Variants in CNTN4 observed in about 807,000 individuals in gnomAD.
The protein encoded by CNTN4 is contactin 4, also known as contactin-4.
A neutral mutation model predicts 122.5 loss-of-function variants in CNTN4; 77 were observed. That is an observed-to-expected ratio of 0.63 (90% confidence interval 0.52 to 0.76). The LOEUF (loss-of-function observed/expected upper bound fraction) is 0.76, where lower values mean the gene tolerates loss of function less well. CNTN4 is among the 30% of genes least tolerant of loss of function. CNTN4 has a pLI of 0.00. For missense variants in CNTN4, 1,256 were observed against 1,259.1 expected (o/e 1.00, Z 0.04); for synonymous variants, 512 against 447.0 (o/e 1.15, Z -1.83).
intron 10 of CNTN4, among the ~76,000 whole-genome samples, chr3:2,898,006 C>G (rs148192929): frequency 2.0e-5 from 3 of 152,186 alleles, no homozygotes; most frequent in Non-Finnish European, 2.9e-5. Context: ...GGACTTTGAA[C>G]TAGGTAACCC....
At chr3:2,663,256 T>A (rs1272643823) in intron 4 of CNTN4, among the ~76,000 whole-genome samples, 1 of 152,124 alleles carries the variant, frequency 6.6e-6, no homozygotes, top group Admixed American at 6.6e-5. Flanking sequence ...AGTTAAGAGA[T>A]TAATGGTATA....
In CNTN4 at chr3:2,757,331, A is replaced by C. The variant is rs75224504; in HGVS notation, c.358+11634A>C. On this transcript the variant is annotated intron_variant, in intron 6 of 24. Coordinates refer to ENST00000418658, the MANE Select transcript of CNTN4 (RefSeq NM_175607.3). Reference sequence around the variant, plus strand: ...TAGGCAGAATTGGCCCTTTCTCCATAGGGCAATGATTTGAAGTGATGCGGA... The same window carrying C: ...TAGGCAGAATTGGCCCTTTCTCCATCGGGCAATGATTTGAAGTGATGCGGA... 5.3e-4 allele frequency among the ~76,000 whole-genome samples: 80 copies of C among 152,202 alleles called. No individual in the cohort carries two copies. In the East Asian group the frequency reaches 0.011, roughly 21 times the overall value.
chr3:2,592,932 A>G (rs779464488), intron 4 of CNTN4, among the ~76,000 whole-genome samples: 11 of 152,180 alleles, frequency 7.2e-5, no homozygotes, highest in Non-Finnish European at 1.3e-4. Context: ...TTTGTATTAT[A>G]TTGTACTGAG....
chr3:2,804,059 A>ATG (rs1553643755), intron 6 of CNTN4, among the ~76,000 whole-genome samples: 60 of 74,850 alleles, frequency 8.0e-4, no homozygotes, highest in African/African-American at 2.5e-3. Flanking sequence ...ATATATATAT[A>ATG]TGTCTGCACA....
chr3:2,868,716 T>G (rs779124374), intron 8 of CNTN4, among the ~76,000 whole-genome samples: 1 of 152,194 alleles, frequency 6.6e-6, no homozygotes, highest in Non-Finnish European at 1.5e-5. Flanking sequence ...TGAGTGCTGG[T>G]GAACAGGAGG....
rs1456330100 is a variant in CNTN4, at chr3:2,709,947, G to A, written c.56-26268G>A. 6.6e-6 allele frequency among the ~76,000 whole-genome samples: 1 copy of A among 152,022 alleles called. No individual in the cohort carries two copies. The highest frequency in any genetic ancestry group is 2.4e-5 in the African/African-American group (1 of 41,398). ...AATAAGAATAAACTCCAAAGAGCAT[G>A]TTTCCACACTTAATGCTTATTGCTG... is the stretch of plus-strand genomic sequence containing the variant. On this transcript the variant is annotated intron_variant, in intron 4 of 24. Coordinates refer to ENST00000418658, the MANE Select transcript of CNTN4 (RefSeq NM_175607.3). This position sits in a 1 kb window ranked among gnomAD's most constrained non-coding sequence, Gnocchi z 5.0.
rs138879450 is a variant in CNTN4 at position 2,592,584 on chromosome 3, A to G, written c.55+21026A>G. ...GTTTTAAAAACGGGAGTTTCTCTGC[A>G]CAAACTCTCTCTTTTTGCCTGCCAA... On this transcript the variant is annotated intron_variant, in intron 4 of 24. Transcript: ENST00000418658. 3.8e-3 allele frequency among the ~76,000 whole-genome samples: 575 copies of G among 152,290 alleles called. 6 individuals are homozygous for G. Among genetic ancestry groups the G allele is most frequent in the African/African-American group, 0.013 (545 of 41,576 alleles).
chr3:2,307,921 T>C (rs542157322), intron 2 of CNTN4, among the ~76,000 whole-genome samples: 24 of 152,296 alleles, frequency 1.6e-4, no homozygotes, highest in Middle Eastern at 6.8e-3. Context: ...TTGGGTATCA[T>C]GGTAATAATG....
chr3:2,183,680 C>T (rs2037121402), intron 2 of CNTN4, among the ~76,000 whole-genome samples: 2 of 152,002 alleles, frequency 1.3e-5, no homozygotes, highest in Admixed American at 1.3e-4. Flanking sequence ...AATTTTGTGG[C>T]CACTGGGCAA....
intron 14 of CNTN4, among the ~76,000 whole-genome samples, chr3:3,003,699 AAAAAAAAAAAAAAAAC>A (rs1427708057): frequency 9.7e-5 from 14 of 144,802 alleles, no homozygotes; most frequent in African/African-American, 2.9e-4. Flanking sequence ...AAAAAAAAAA[AAAAAAAAAAAAAAAAC>A]AAAAAAACCC....
chr3:3,005,937 G>C (rs932978039), intron 14 of CNTN4, among the ~76,000 whole-genome samples: 3 of 150,672 alleles, frequency 2.0e-5, no homozygotes, highest in Non-Finnish European at 4.4e-5. Flanking sequence ...CCAGGCTGGA[G>C]TGCAGTGGCA....
intron 3 of CNTN4, among the ~76,000 whole-genome samples, chr3:2,482,710 C>T (rs999687385): frequency 2.0e-5 from 3 of 152,232 alleles, no homozygotes; most frequent in Non-Finnish European, 4.4e-5. Flanking sequence ...AAGGTACACA[C>T]AGGGCATGGC....
intron 2 of CNTN4, among the ~76,000 whole-genome samples, chr3:2,295,995 C>T (rs1351999738): frequency 1.3e-5 from 2 of 152,028 alleles, no homozygotes; most frequent in African/African-American, 2.4e-5. Context: ...TGTAGATATG[C>T]AGCATTATTT....
chr3:2,711,022 T>C (rs1388104979), intron 4 of CNTN4, among the ~76,000 whole-genome samples: 2 of 152,188 alleles, frequency 1.3e-5, no homozygotes, highest in Non-Finnish European at 2.9e-5. Flanking sequence ...GAATTGGGAA[T>C]TGGATTCCAG....
At chr3:2,961,699 A>G (rs2094861456) in intron 13 of CNTN4, among the ~76,000 whole-genome samples, 1 of 152,062 alleles carries the variant, frequency 6.6e-6, no homozygotes, top group African/African-American at 2.4e-5. Flanking sequence ...CTTAATGGCT[A>G]GGGAAACAAA....
chr3:2,797,316 A>C (rs2092216617), intron 6 of CNTN4, among the ~76,000 whole-genome samples: 1 of 152,164 alleles, frequency 6.6e-6, no homozygotes, highest in Non-Finnish European at 1.5e-5. Flanking sequence ...TTAGAAAGCT[A>C]CACTGGGAAT....
rs538563136 is a variant in CNTN4 at position 2,768,884 on chromosome 3, A to G, written c.358+23187A>G. Among the ~76,000 whole-genome samples the G allele has an allele frequency of 1.7e-3, 264 of 152,348 alleles. 1 individual carries two copies. Among genetic ancestry groups the G allele is most frequent in the Non-Finnish European group, 3.3e-3 (225 of 68,036 alleles). On this transcript the variant is annotated intron_variant, in intron 6 of 24. Transcript: ENST00000418658. The stretch of plus-strand genomic sequence containing the variant: ...CTTACACATGTAGAATGTGAAGCTC[A>G]GAAATAGGAAGTGACTTCCTCAAGT...
At chr3:2,931,025 T>C (rs6769981) in intron 13 of CNTN4, among the ~76,000 whole-genome samples, 58,592 of 152,092 alleles carry the variant, frequency 0.39, 12,342 homozygotes, top group East Asian at 0.55. Flanking sequence ...CAGAAGACCA[T>C]GGACAGAATT....
intron 2 of CNTN4, among the ~76,000 whole-genome samples, chr3:2,144,738 G>T (rs62246964): frequency 7.2e-5 from 11 of 152,014 alleles, no homozygotes; most frequent in Non-Finnish European, 1.3e-4. Context: ...CACATAGCAA[G>T]TCATCAATTA....
Sources: allele counts gnomAD v4.1 joint callset (sites outside exome capture counted in the v4.1 genomes callset), GRCh38; gene constraint gnomAD v4.1.1; non-coding constraint Gnocchi (gnomAD v3.1); transcripts MANE v1.5; gene names NCBI Gene and HGNC (gene_info 2026-07-23, HGNC 2026-07-21).